RHOBTB2: variants seen among roughly 807,000 people sequenced by gnomAD.
RHOBTB2 encodes rho-related BTB domain-containing protein 2.
Under a neutral mutation model 66.5 loss-of-function variants are expected in RHOBTB2, and 39 were observed. That is an observed-to-expected ratio of 0.59 (90% CI 0.45 to 0.77). The LOEUF (loss-of-function observed/expected upper bound fraction) is 0.77. Ranked by LOEUF, RHOBTB2 falls within the 30% of genes least tolerant of loss-of-function variation. The pLI is 0.00. For synonymous variants in RHOBTB2, 390 were observed against 395.0 expected, an observed-to-expected ratio of 0.99 and a Z score of 0.15; for missense variants, 755 against 999.1, an observed-to-expected ratio of 0.76 and a Z score of 3.29.
At chr8:22,952,853 C>G in the RHOBTB2 span, among the ~76,000 whole-genome samples, 1 of 151,942 alleles carries the variant, frequency 6.6e-6, no homozygotes, top group Non-Finnish European at 1.5e-5. Flanking sequence ...TGCAGTGAGC[C>G]GAGATTGCAC....
the RHOBTB2 span, among the ~76,000 whole-genome samples, chr8:22,958,594 T>G: frequency 1.3e-5 from 2 of 149,006 alleles, no homozygotes; most frequent in Non-Finnish European, 3.0e-5. Flanking sequence ...AGCCCAGGAG[T>G]TCAAGACTAG....
At chr8:22,988,693 G>T (rs1482860669) in intron 1 of RHOBTB2, among the ~76,000 whole-genome samples, 1 of 152,140 alleles carries the variant, frequency 6.6e-6, no homozygotes, top group Non-Finnish European at 1.5e-5. Flanking sequence ...TCCTTCCAGG[G>T]CAACAGAGAC....
chr8:22,965,262 A>G, the RHOBTB2 span, among the ~76,000 whole-genome samples: 2 of 152,324 alleles, frequency 1.3e-5, no homozygotes, highest in Non-Finnish European at 2.9e-5. Context: ...TTGTAATACA[A>G]TTAAGCTATC....
At chr8:22,951,951 C>G in the RHOBTB2 span, among the ~76,000 whole-genome samples, 10 of 152,266 alleles carry the variant, frequency 6.6e-5, no homozygotes, top group African/African-American at 2.4e-4. Flanking sequence ...AAACTTTTGA[C>G]CTCAAGAGAT....
At chr8:22,992,484 GAGA>G (rs1432819611) in intron 2 of RHOBTB2, among the ~76,000 whole-genome samples, 2 of 152,162 alleles carry the variant, frequency 1.3e-5, no homozygotes, top group East Asian at 1.9e-4. Flanking sequence ...CTTGGTCAAG[GAGA>G]AGGAGTCTTA....
chr8:23,012,290 G>A (rs1042341507), intron 7 of RHOBTB2, among the ~76,000 whole-genome samples: 2 of 152,214 alleles, frequency 1.3e-5, no homozygotes, highest in African/African-American at 4.8e-5. Context: ...CAGAAAAACC[G>A]TTGGTGAAGC....
the RHOBTB2 span, among the ~76,000 whole-genome samples, chr8:22,977,319 C>G: frequency 6.6e-6 from 1 of 152,000 alleles, no homozygotes; most frequent in Admixed American, 6.6e-5. Flanking sequence ...GTGACTCATG[C>G]CTGTATTCTC....
At chr8:23,005,607 C>T (rs1810924045) in intron 3 of RHOBTB2, 132 bp downstream of exon 3, 24 of 702,034 alleles carry the variant, frequency 3.4e-5, no homozygotes, top group South Asian at 1.9e-4. Context: ...GGCAGAGCCT[C>T]ATGGGGGCTG....
upstream of RHOBTB2, chr8:22,999,492 G>GCCCCCCC (rs1810690605): frequency 1.5e-6 from 1 of 678,306 alleles, no homozygotes; most frequent in African/African-American, 2.1e-5. Context: ...TTCTTCCCCC[G>GCCCCCCC]CCCGCCCCCT....
Position 23,018,531 on chromosome 8 carries a change from G to A in RHOBTB2, c.*1062G>A, listed in dbSNP as rs1262451726. 1 of 152,324 alleles carries A rather than the reference G, an allele frequency of 6.6e-6. No homozygotes were observed. The highest frequency in any genetic ancestry group is 1.5e-5 in the Non-Finnish European group (1 of 68,088). The allele number at this position is 152,324 out of a possible 1,614,324, so 9.4% of individuals were successfully genotyped here. On this transcript the variant is annotated 3_prime_UTR_variant, in exon 10 of 10. Coordinates refer to ENST00000251822, the MANE Select transcript of RHOBTB2 (RefSeq NM_015178.3). ...GCAGAATCGACTCCAATGCCTTTCA[G>A]GAAAGGACTCGGCACTTCTCTGACT...
chr8:22,974,402 C>T, the RHOBTB2 span, among the ~76,000 whole-genome samples: 8 of 152,182 alleles, frequency 5.3e-5, no homozygotes, highest in East Asian at 1.3e-3. Context: ...AGGCAAAGTG[C>T]GGGGTGCAGG....
chr8:22,978,237 T>C, the RHOBTB2 span: 1 of 152,118 alleles, frequency 6.6e-6, no homozygotes, highest in Non-Finnish European at 1.5e-5. Flanking sequence ...TTTTGAAAAG[T>C]TATGGCCCAA....
intron 6 of RHOBTB2, 98 bp from the exon 7 acceptor site, chr8:23,010,440 C>G: frequency 7.1e-7 from 1 of 1,400,006 alleles, no homozygotes; most frequent in Non-Finnish European, 9.7e-7. Flanking sequence ...CTGGGGGAGC[C>G]TGGGTGTGAG....
chr8:22,977,711 A>G, the RHOBTB2 span, among the ~76,000 whole-genome samples: 1 of 152,204 alleles, frequency 6.6e-6, no homozygotes, highest in Non-Finnish European at 1.5e-5. Context: ...ACTGTTAAAA[A>G]GGTATGAATA....
intron 1 of RHOBTB2, among the ~76,000 whole-genome samples, chr8:23,002,685 C>T (rs545171475): frequency 8.5e-5 from 13 of 152,096 alleles, no homozygotes; most frequent in African/African-American, 3.1e-4. Flanking sequence ...CGCAAAACTC[C>T]GTCTCAAAAA....
intron 1 of RHOBTB2, among the ~76,000 whole-genome samples, chr8:23,003,198 G>C (rs1410314528): frequency 1.3e-5 from 2 of 152,214 alleles, no homozygotes; most frequent in Non-Finnish European, 1.5e-5. Context: ...TCCTAATCAC[G>C]CTGGCCCTGC....
chr8:23,004,286 T>G lies in RHOBTB2; in HGVS notation c.-10-139T>G. On this transcript the variant is annotated intron_variant, in intron 1 of 9. Coordinates refer to ENST00000251822, the MANE Select transcript of RHOBTB2 (RefSeq NM_015178.3). The surrounding 1 kb of genome is among the most constrained non-coding windows in gnomAD (Gnocchi z 6.4). ...CTCGCAGAGCTCTTGCCCAGAACGT[T>G]GCCCACTCCTTCCTCCTCCTGTCAG... The G allele has an allele frequency of 2.8e-6, 2 of 719,462 alleles. No individual in the cohort carries two copies. The highest frequency in any genetic ancestry group is 4.8e-6 in the Non-Finnish European group (2 of 414,254). The allele number at this position is 719,462 out of a possible 1,614,324, so 44.6% of individuals were successfully genotyped here. A position where few individuals can be genotyped will look rare whatever the true frequency, so the allele number is the denominator to read the frequency against.
the RHOBTB2 span, chr8:22,978,118 C>A: frequency 1.3e-5 from 2 of 150,850 alleles, no homozygotes; most frequent in South Asian, 2.1e-4. Context: ...CATAGTGAGA[C>A]CCCATCTCTA....
chr8:22,986,156 C>G (rs1810284682), upstream of RHOBTB2, among the ~76,000 whole-genome samples: 1 of 151,636 alleles, frequency 6.6e-6, no homozygotes, highest in Admixed American at 6.6e-5. Flanking sequence ...CTCTCTCTCT[C>G]TCTCTCTCTC....
Sources: gnomAD v4.1 joint callset for allele counts (sites outside exome capture counted in the v4.1 genomes callset) on GRCh38, gnomAD v4.1.1 for gene constraint, Gnocchi (gnomAD v3.1) non-coding constraint, MANE v1.5 for transcripts, NCBI Gene and HGNC (gene_info 2026-07-23, HGNC 2026-07-21) for gene names.